Variants in NLGN1 observed in about 807,000 individuals in gnomAD.
The protein encoded by NLGN1 is neuroligin-1.
A neutral mutation model predicts 65.5 loss-of-function variants in NLGN1; 12 were observed. That is an observed-to-expected ratio of 0.18 (90% CI 0.12 to 0.30). NLGN1 has a LOEUF of 0.30. Ranked by LOEUF, NLGN1 falls within the 10% of genes least tolerant of loss-of-function variation. The probability of loss-of-function intolerance (pLI) is 1.00; values close to 1 mark genes in which losing one functional copy is unlikely to be tolerated. For missense variants in NLGN1, 750 were observed against 1,007.1 expected (o/e 0.74, Z 3.46); for synonymous variants, 350 against 359.5 (o/e 0.97, Z 0.30).
At position 173,840,777 on chromosome 3, in the gene NLGN1, G is replaced by A. The variant is rs143122993; in HGVS notation, c.646+32945G>A. 2.7e-3 allele frequency among the ~76,000 whole-genome samples: 418 copies of A among 152,082 alleles called. 2 individuals are homozygous for A. Among genetic ancestry groups the A allele is most frequent in the African/African-American group, 9.1e-3 (376 of 41,478 alleles). On this transcript the variant is annotated intron_variant, in intron 4 of 6. Transcript: ENST00000457714. ...CCTCTTTCCAGTCTCCCATCATTAT[G>A]TACCTAGTTATTATCTACCACTATT...
At chr3:173,499,864 A>T (rs1236428759) in intron 2 of NLGN1, among the ~76,000 whole-genome samples, 2 of 151,654 alleles carry the variant, frequency 1.3e-5, no homozygotes, top group Non-Finnish European at 2.9e-5. Context: ...TTTGTCTGTT[A>T]TTGGTGTATA....
At chr3:173,601,934 T>G (rs531265218) in intron 2 of NLGN1, among the ~76,000 whole-genome samples, 9 of 152,168 alleles carry the variant, frequency 5.9e-5, no homozygotes, top group Non-Finnish European at 8.8e-5. Flanking sequence ...ATAAAATACT[T>G]TTACAGTTCA....
intron 4 of NLGN1, among the ~76,000 whole-genome samples, chr3:174,003,003 A>G (rs1337665948): frequency 6.6e-6 from 1 of 152,216 alleles, no homozygotes; most frequent in Non-Finnish European, 1.5e-5. Context: ...AGGCATGCAG[A>G]AAAGAGTTGA....
chr3:173,580,070 C>G (rs1252483293), intron 2 of NLGN1, among the ~76,000 whole-genome samples: 1 of 152,024 alleles, frequency 6.6e-6, no homozygotes, highest in Admixed American at 6.6e-5. Context: ...TATCACAAGC[C>G]AGAGCTGAAT....
At chr3:173,906,268 T>G (rs1385540739) in intron 4 of NLGN1, among the ~76,000 whole-genome samples, 1 of 152,196 alleles carries the variant, frequency 6.6e-6, no homozygotes, top group Admixed American at 6.5e-5. Flanking sequence ...TTTATTAGCA[T>G]TTTTTCCATC....
chr3:173,609,115 G>C (rs1304964832), intron 3 of NLGN1, among the ~76,000 whole-genome samples: 2 of 151,924 alleles, frequency 1.3e-5, no homozygotes. Flanking sequence ...GTAAACATGA[G>C]AAGGAGAAAC....
At chr3:173,952,883 T>C (rs1748498879) in intron 4 of NLGN1, among the ~76,000 whole-genome samples, 1 of 152,038 alleles carries the variant, frequency 6.6e-6, no homozygotes, top group African/African-American at 2.4e-5. Context: ...GTTCAAGCGA[T>C]TCTCCTGCCT....
chr3:174,265,763 CTATATATATATATATATATG>C (rs1002454219), intron 4 of NLGN1, among the ~76,000 whole-genome samples: 3 of 125,668 alleles, frequency 2.4e-5, no homozygotes, highest in Non-Finnish European at 4.8e-5. Context: ...ACTAAGAAGG[CTATATATATATATATATATG>C]TATATATATA....
At chr3:173,968,690 T>TC (rs1192694553) in intron 4 of NLGN1, among the ~76,000 whole-genome samples, 23 of 119,572 alleles carry the variant, frequency 1.9e-4, no homozygotes, top group Admixed American at 5.9e-4. Flanking sequence ...AAATAATCTT[T>TC]TTTTTTTTTT....
At chr3:173,532,854 T>C (rs1736817909) in intron 2 of NLGN1, among the ~76,000 whole-genome samples, 1 of 152,218 alleles carries the variant, frequency 6.6e-6, no homozygotes, top group African/African-American at 2.4e-5. Context: ...GCAGGTTGGC[T>C]GAAAGTTCTG....
At chr3:173,619,419 G>T (rs1316321798) in intron 3 of NLGN1, among the ~76,000 whole-genome samples, 6 of 152,078 alleles carry the variant, frequency 3.9e-5, no homozygotes, top group Admixed American at 1.3e-4. Context: ...AGTCCTAGGG[G>T]CTATGCTGGA....
intron 1 of NLGN1, among the ~76,000 whole-genome samples, chr3:173,420,066 T>TC (rs1352139626): frequency 1.3e-5 from 1 of 79,518 alleles, no homozygotes; most frequent in African/African-American, 5.3e-5. Flanking sequence ...ATCTTTTTTC[T>TC]TTTTTTTTTC....
intron 4 of NLGN1, among the ~76,000 whole-genome samples, chr3:173,949,654 T>A (rs1251944958): frequency 1.3e-5 from 2 of 152,146 alleles, no homozygotes; most frequent in African/African-American, 4.8e-5. Context: ...ACATTCAGTT[T>A]GAAAATACTA....
chr3:173,441,503 C>T (rs540548972), intron 2 of NLGN1, among the ~76,000 whole-genome samples: 1 of 152,178 alleles, frequency 6.6e-6, no homozygotes, highest in Non-Finnish European at 1.5e-5. Context: ...ATTAATTGGC[C>T]TAGTTTCAGT....
intron 4 of NLGN1, among the ~76,000 whole-genome samples, chr3:173,905,076 C>G (rs931975997): frequency 1.3e-5 from 2 of 152,118 alleles, no homozygotes; most frequent in African/African-American, 4.8e-5. Context: ...AAAATTCTGG[C>G]TACCCGCCTG....
At chr3:173,528,382 A>G (rs998152668) in intron 2 of NLGN1, among the ~76,000 whole-genome samples, 1 of 152,044 alleles carries the variant, frequency 6.6e-6, no homozygotes, top group Non-Finnish European at 1.5e-5. Flanking sequence ...GTTATTTTAC[A>G]TTGACCTTGC....
intron 3 of NLGN1, among the ~76,000 whole-genome samples, chr3:173,708,441 C>T (rs1378831152): frequency 1.3e-5 from 2 of 152,126 alleles, no homozygotes; most frequent in African/African-American, 4.8e-5. Context: ...CCTCTCAGCC[C>T]CAAAAGTCTG....
intron 2 of NLGN1, among the ~76,000 whole-genome samples, chr3:173,509,912 G>T (rs1448208046): frequency 2.0e-5 from 3 of 152,122 alleles, no homozygotes; most frequent in African/African-American, 7.2e-5. Context: ...CAGGAGAGTA[G>T]GTTTGCTTGT....
chr3:174,192,863 C>T (rs2152762343), intron 4 of NLGN1, among the ~76,000 whole-genome samples: 1 of 152,222 alleles, frequency 6.6e-6, no homozygotes. Flanking sequence ...GTTCATTATT[C>T]CTTGGAGTGA....
Sources: gnomAD v4.1 joint callset for allele counts (sites outside exome capture counted in the v4.1 genomes callset) on GRCh38, gnomAD v4.1.1 for gene constraint, MANE v1.5 for transcripts, NCBI Gene and HGNC (gene_info 2026-07-23, HGNC 2026-07-21) for gene names.